AGAP3: variants seen among roughly 807,000 people sequenced by gnomAD.
AGAP3 encodes the protein arf-GAP with GTPase, ANK repeat and PH domain-containing protein 3.
AGAP3 carries 24 observed loss-of-function variants against 96.9 expected under a neutral mutation model. That is an observed-to-expected ratio of 0.25 (90% CI 0.18 to 0.35). AGAP3 has a LOEUF of 0.35. AGAP3 is among the 10% of genes least tolerant of loss of function. The probability of loss-of-function intolerance (pLI) is 1.00; values close to 1 mark genes in which losing one functional copy is unlikely to be tolerated. For missense variants in AGAP3, 876 were observed against 1,254.2 expected (o/e 0.70, Z 4.55); for synonymous variants, 563 against 536.1 (o/e 1.05, Z -0.69).
chr7:151,134,436 C>A lies in AGAP3; in HGVS notation c.1363C>A (p.Leu455Met). The change falls in exon 11 of 18, where the codon CTG becomes ATG. Residue 455 changes from leucine (L) to methionine (M), a missense_variant. Leu to Met is a conservative substitution (Grantham distance 15). Transcript: ENST00000397238. ...GAACATCCACGGCAAGGAGATTGAC[C>A]TGCTGCGGACAACGGTGAAAGTGCC... ...MQNIHGKEID[L>M]LRTTVKVPGK... The A allele has an allele frequency of 6.2e-7, 1 of 1,613,610 alleles. No individual in the cohort carries two copies. Among genetic ancestry groups the A allele is most frequent in the Non-Finnish European group, 8.5e-7 (1 of 1,180,028 alleles).
At position 151,118,602 on chromosome 7, in the gene AGAP3, C is replaced by G; in HGVS notation, c.939C>G (p.Ala313=). Residue 313 remains alanine, a synonymous_variant, in exon 7 of 18, where the codon GCC becomes GCG. Coordinates refer to ENST00000397238, the MANE Select transcript of AGAP3 (RefSeq NM_031946.7). The surrounding 1 kb of genome is among the most constrained non-coding windows in gnomAD (Gnocchi z 6.1). ...PNSPSHSAVS[A]ASIPAVHINQ... is the part of the protein sequence containing the mutation. The stretch of plus-strand genomic sequence containing the variant: ...CGCCCAGCCACTCGGCCGTGTCCGC[C>G]GCCTCCATCCCGGCCGTGCACATCA... 6.2e-7 allele frequency: 1 copy of G among 1,613,882 alleles called. No homozygotes were observed. Among genetic ancestry groups the G allele is most frequent in the Non-Finnish European group, 8.5e-7 (1 of 1,180,020 alleles).
intron 9 of AGAP3, 129 bp from the exon 10 acceptor site, chr7:151,128,450 GC>G (rs1405667179): frequency 1.4e-6 from 1 of 710,328 alleles, no homozygotes; most frequent in Non-Finnish European, 2.4e-6. Flanking sequence ...GTCCTTAAAG[GC>G]TGCTTTGCTC....
Position 151,123,823 on chromosome 7 carries a change from G to C in AGAP3, c.1158G>C (p.Glu386Asp), listed in dbSNP as rs534342204. The C allele has an allele frequency of 6.2e-7, 1 of 1,612,798 alleles. No individual in the cohort carries two copies. The highest frequency in any genetic ancestry group is 8.5e-7 in the Non-Finnish European group (1 of 1,179,960). The change falls in exon 9 of 18, where the codon GAG (glutamate) becomes GAC (aspartate). Residue 386 changes from glutamate to aspartate, a missense_variant. This residue lies in a region of AGAP3 where 49 missense variants were observed against 41.7 expected (regional missense o/e 1.17). Coordinates refer to ENST00000397238, the MANE Select transcript of AGAP3 (RefSeq NM_031946.7). Reference sequence around the variant, plus strand: ...GGAAGGGTGCTGACCTGGACCGGGAGAAGAAGGCTGCCGAGTGCAAGGTGG... The same window carrying C: ...GGAAGGGTGCTGACCTGGACCGGGACAAGAAGGCTGCCGAGTGCAAGGTGG... The part of the protein sequence containing the change: ...TSRKGADLDR[E>D]KKAAECKVDS...
At position 151,117,721 on chromosome 7, in the gene AGAP3, G is replaced by A. The variant is rs376649489; in HGVS notation, c.650G>A (p.Arg217His). 8 of 1,614,052 alleles carry A rather than the reference G, an allele frequency of 5.0e-6. No homozygotes were observed. The highest frequency in any genetic ancestry group is 4.5e-5 in the East Asian group (2 of 44,894). Residue 217 changes from arginine to histidine, a missense_variant, in exon 5 of 18, where the codon CGT becomes CAT. Arg to His is a conservative substitution (Grantham distance 29, BLOSUM62 0). Around this residue, in one of 8 missense-constraint regions of AGAP3, gnomAD observed 131 missense variants for 304.5 expected, o/e 0.43. Coordinates refer to ENST00000397238, the MANE Select transcript of AGAP3 (RefSeq NM_031946.7). ...SFQTVYNYFL[R>H]LCSFRNASEV... ...CAGACGGTGTACAACTACTTCCTGC[G>A]TCTCTGCAGCTTCCGCAACGCCAGC...
chr7:151,119,747 C>G (rs1224478842), intron 7 of AGAP3, among the ~76,000 whole-genome samples: 1 of 152,164 alleles, frequency 6.6e-6, no homozygotes, highest in Admixed American at 6.5e-5. Context: ...GCACTCCTGC[C>G]GGGGCCCCAG....
intron 7 of AGAP3, chr7:151,119,160 C>T (rs552464648): frequency 4.6e-5 from 8 of 175,492 alleles, no homozygotes; most frequent in Admixed American, 2.2e-4. Flanking sequence ...CGCCCGACAC[C>T]GACGGAGTGG....
intron 1 of AGAP3, among the ~76,000 whole-genome samples, chr7:151,094,264 G>T (rs1798510898): frequency 6.6e-6 from 1 of 152,156 alleles, no homozygotes; most frequent in African/African-American, 2.4e-5. Flanking sequence ...AGGGAATGCT[G>T]TTTATTACGT....
intron 8 of AGAP3, chr7:151,120,954 G>A: frequency 1.3e-6 from 1 of 783,580 alleles, no homozygotes; most frequent in Non-Finnish European, 1.6e-6. Context: ...CAGGAGTCTT[G>A]GGCCAGACAA....
chr7:151,144,081 A>C lies in AGAP3; in HGVS notation c.*138A>C. ...GACGAAGCCAAGGAAATTAGGGAGGAGAGTCAAAGGGATCAAGGAGAGTTG... is the reference window on the plus strand; with the variant it reads ...GACGAAGCCAAGGAAATTAGGGAGGCGAGTCAAAGGGATCAAGGAGAGTTG... On this transcript the variant is annotated 3_prime_UTR_variant, in exon 18 of 18. Coordinates refer to ENST00000397238, the MANE Select transcript of AGAP3 (RefSeq NM_031946.7). The C allele has an allele frequency of 1.1e-6, 1 of 902,654 alleles. No homozygotes were observed. Among genetic ancestry groups the C allele is most frequent in the Non-Finnish European group, 1.7e-6 (1 of 602,482 alleles). The allele number at this position is 902,654 out of a possible 1,614,324, so 55.9% of individuals were successfully genotyped here.
chr7:151,128,353 G>A (rs899372145), intron 9 of AGAP3: 25 of 528,784 alleles, frequency 4.7e-5, no homozygotes, highest in Non-Finnish European at 7.9e-5. Context: ...CCGGAACAGC[G>A]GTCCAGCTGC....
chr7:151,088,367 A>G (rs894639094), intron 1 of AGAP3, among the ~76,000 whole-genome samples: 3 of 152,200 alleles, frequency 2.0e-5, no homozygotes, highest in Non-Finnish European at 2.9e-5. Context: ...TGAACTAATT[A>G]GGTGACAGAA....
intron 1 of AGAP3, chr7:151,115,312 G>C (rs1203487894): frequency 9.9e-7 from 1 of 1,007,426 alleles, no homozygotes; most frequent in Non-Finnish European, 1.2e-6. Flanking sequence ...GGGCCCCGGC[G>C]CGGCCTGGCG....
At chr7:151,086,223 G>T (rs955084188), upstream of AGAP3, among the ~76,000 whole-genome samples, 5 of 152,090 alleles carry the variant, frequency 3.3e-5, no homozygotes, top group East Asian at 9.7e-4. Context: ...TGCGGGTGGG[G>T]GCTGGTGAGG....
chr7:151,132,806 CCTT>C (rs1316468184), intron 10 of AGAP3, among the ~76,000 whole-genome samples: 1 of 152,232 alleles, frequency 6.6e-6, no homozygotes, highest in Non-Finnish European at 1.5e-5. Flanking sequence ...CCAGGTGACT[CCTT>C]GTCTACCTGA....
rs200979117 is a variant in AGAP3, at chr7:151,140,002, A to G, written c.1690A>G (p.Ser564Gly). ...HPASGPAEVLSSSPKLDPPPS... is the reference protein window; with the variant it reads ...HPASGPAEVLGSSPKLDPPPS... ...AGCCAGTGGCCCAGCTGAGGTACTC[A>G]GTTCCAGCCCCAAGCTGGATCCTCC... Residue 564 changes from serine (S) to glycine (G), a missense_variant, in exon 13 of 18, where the codon AGT becomes GGT. Ser to Gly is a moderately conservative substitution (Grantham distance 56, BLOSUM62 0). This residue lies in a region of AGAP3 where 155 missense variants were observed against 144.4 expected (regional missense o/e 1.07). Coordinates refer to ENST00000397238, the MANE Select transcript of AGAP3 (RefSeq NM_031946.7). This position sits in a 1 kb window ranked among gnomAD's most constrained non-coding sequence, Gnocchi z 5.4. The G allele has an allele frequency of 1.9e-4, 303 of 1,586,466 alleles. 1 individual carries two copies. The highest frequency in any genetic ancestry group is 1.8e-3 in the Admixed American group (99 of 55,902).
intron 8 of AGAP3, among the ~76,000 whole-genome samples, chr7:151,121,816 G>A (rs568572382): frequency 6.6e-6 from 1 of 152,312 alleles, no homozygotes; most frequent in African/African-American, 2.4e-5. Context: ...CCGTCTCTGT[G>A]GGTGTATCTC....
In AGAP3 at chr7:151,107,451, C is replaced by T. The variant is rs1019361469; in HGVS notation, c.332-9342C>T. Among the ~76,000 whole-genome samples, 10 of 151,924 alleles carry T rather than the reference C, an allele frequency of 6.6e-5. No homozygotes were observed. The East Asian group carries it at 1.2e-3, about 18-fold the overall frequency. On this transcript the variant is annotated intron_variant, in intron 1 of 17. Transcript: ENST00000397238. ...GCCAGCCTGGGCAACATGGTGAAAGCGGTCTCTACAAAAAAAATACTAAAC... is the reference window on the plus strand; with the variant it reads ...GCCAGCCTGGGCAACATGGTGAAAGTGGTCTCTACAAAAAAAATACTAAAC...
At chr7:151,138,369 AG>A in intron 12 of AGAP3, 56 bp downstream of exon 12, 1 of 1,535,838 alleles carries the variant, frequency 6.5e-7, no homozygotes. Context: ...GACAGAGAGG[AG>A]GGGAACTGGG....
Position 151,143,568 on chromosome 7 carries a change from A to G in AGAP3, c.2501A>G (p.Asn834Ser), listed in dbSNP as rs745538361. Reference protein sequence around the residue: ...TALHLSSAMANVVFTQLLIWY... With the variant: ...TALHLSSAMASVVFTQLLIWY... ...CTACATCTCTCCAGTGCCATGGCCA[A>G]CGTTGTCTTCACGCAGCTGCTCATC... is the stretch of plus-strand genomic sequence containing the variant. Residue 834 changes from asparagine to serine, a missense_variant, in exon 17 of 18, where the codon AAC becomes AGC. Asn to Ser is a conservative substitution (Grantham distance 46). Transcript: ENST00000397238. The surrounding 1 kb of genome is among the most constrained non-coding windows in gnomAD (Gnocchi z 5.9). 5.6e-6 allele frequency: 9 copies of G among 1,608,200 alleles called. No homozygotes were observed. The highest frequency in any genetic ancestry group is 1.1e-5 in the South Asian group (1 of 90,464).
Sources: allele counts gnomAD v4.1 joint callset (sites outside exome capture counted in the v4.1 genomes callset), GRCh38; gene constraint gnomAD v4.1.1; regional missense constraint gnomAD v4.1.1; non-coding constraint Gnocchi (gnomAD v3.1); transcripts MANE v1.5; gene names NCBI Gene and HGNC (gene_info 2026-07-23, HGNC 2026-07-21).